Variants in KATNIP observed in about 807,000 individuals in gnomAD.
KATNIP encodes katanin interacting protein, also known as katanin-interacting protein.
KATNIP carries 126 observed loss-of-function variants against 174.0 expected under a neutral mutation model. That is an observed-to-expected ratio of 0.72 (90% CI 0.63 to 0.84). The LOEUF is 0.84. Ranked by LOEUF, KATNIP falls within the 40% of genes least tolerant of loss-of-function variation. The pLI is 0.00. For synonymous variants in KATNIP, 810 were observed against 835.7 expected (o/e 0.97, Z 0.53); for missense variants, 1,958 against 2,109.7 (o/e 0.93, Z 1.41).
chr16:27,614,187 C>T (rs1232158722), intron 2 of KATNIP, among the ~76,000 whole-genome samples: 1 of 149,820 alleles, frequency 6.7e-6, no homozygotes. Context: ...AAGCGATTCT[C>T]CTGAGTCTTG....
intron 2 of KATNIP, among the ~76,000 whole-genome samples, chr16:27,583,637 C>T (rs915794478): frequency 1.3e-4 from 20 of 152,190 alleles, no homozygotes; most frequent in African/African-American, 4.6e-4. Context: ...TCTCTGAGCC[C>T]GTATTTCCTC....
At chr16:27,605,090 A>G (rs2075657459) in intron 2 of KATNIP, among the ~76,000 whole-genome samples, 1 of 152,024 alleles carries the variant, frequency 6.6e-6, no homozygotes, top group Non-Finnish European at 1.5e-5. Context: ...CACCATGCCC[A>G]GCTAATTTTT....
At chr16:27,752,914 T>C (rs2081572193) in intron 17 of KATNIP, among the ~76,000 whole-genome samples, 1 of 151,688 alleles carries the variant, frequency 6.6e-6, no homozygotes, top group South Asian at 2.1e-4. Flanking sequence ...TCAGGACCAA[T>C]AGGAAAAAGA....
intron 18 of KATNIP, among the ~76,000 whole-genome samples, chr16:27,760,241 A>G (rs184908763): frequency 2.0e-5 from 3 of 152,246 alleles, no homozygotes; most frequent in East Asian, 1.9e-4. Context: ...TGAGTCTTAC[A>G]CTTAGCTACC....
In KATNIP at chr16:27,773,134, G is replaced by A. The variant is rs1306182406; in HGVS notation, c.4234G>A (p.Asp1412Asn). 9 of 1,612,266 alleles carry A rather than the reference G, an allele frequency of 5.6e-6. No individual in the cohort carries two copies. The highest frequency in any genetic ancestry group is 1.1e-5 in the South Asian group (1 of 90,588). ...GTTTCAGCTTCTCACCAGCTGGGGC[G>A]ACCCCTACTACATCGGCCTCACCGG... ...FQFQLLTSWG[D>N]PYYIGLTGLE... The change falls in exon 23 of 28, where the codon GAC becomes AAC. Residue 1412 changes from aspartate to asparagine, a missense_variant. Transcript: ENST00000261588.
intron 22 of KATNIP, among the ~76,000 whole-genome samples, chr16:27,771,868 G>C (rs953466509): frequency 5.9e-5 from 9 of 152,186 alleles, no homozygotes; most frequent in African/African-American, 2.2e-4. Context: ...GAGGCTGGAG[G>C]GGGCAGCACC....
At chr16:27,743,220 T>C (rs2081171263) in intron 15 of KATNIP, among the ~76,000 whole-genome samples, 1 of 152,252 alleles carries the variant, frequency 6.6e-6, no homozygotes, top group South Asian at 2.1e-4. Context: ...TAGTATTCCA[T>C]GGTGTATATG....
At chr16:27,662,209 C>T (rs2077550865) in intron 6 of KATNIP, among the ~76,000 whole-genome samples, 1 of 150,580 alleles carries the variant, frequency 6.6e-6, no homozygotes, top group Non-Finnish European at 1.5e-5. Context: ...ATTGGGATTA[C>T]AGGCATGAGC....
chr16:27,617,351 T>A (rs973152212), intron 2 of KATNIP, among the ~76,000 whole-genome samples: 3 of 152,204 alleles, frequency 2.0e-5, no homozygotes, highest in Non-Finnish European at 4.4e-5. Flanking sequence ...CTGCTTCTCA[T>A]TGGCACAGCA....
rs1229900705 is a variant in KATNIP at position 27,609,290 on chromosome 16, GA to G, written c.64-9134del. 6.6e-5 allele frequency among the ~76,000 whole-genome samples: 10 copies of G among 151,410 alleles called. 1 individual carries two copies. Among genetic ancestry groups the G allele is most frequent in the Admixed American group, 6.6e-4 (10 of 15,192 alleles). On this transcript the variant is annotated intron_variant, in intron 2 of 27. Transcript: ENST00000261588. ...TGTTAGTGCAGGGAGGGACACAGGA[GA>G]GGGGGCGTGCAGTGTGTGCACTCTT...
intron 6 of KATNIP, among the ~76,000 whole-genome samples, chr16:27,666,627 AGGCT>A (rs2077695043): frequency 1.3e-5 from 2 of 152,176 alleles, no homozygotes; most frequent in African/African-American, 4.8e-5. Flanking sequence ...CATGTTGACC[AGGCT>A]GGTCTCGAAC....
intron 1 of KATNIP, among the ~76,000 whole-genome samples, chr16:27,555,678 A>C (rs755765778): frequency 3.3e-5 from 5 of 152,052 alleles, no homozygotes; most frequent in Non-Finnish European, 7.4e-5. Context: ...CTACTAAAAA[A>C]ATGCAAAATT....
At chr16:27,606,476 C>G (rs2075707799) in intron 2 of KATNIP, among the ~76,000 whole-genome samples, 1 of 150,510 alleles carries the variant, frequency 6.6e-6, no homozygotes, top group South Asian at 2.1e-4. Flanking sequence ...AAATCTCTCT[C>G]ATACACACAC....
At chr16:27,624,484 T>G (rs1352894800) in intron 3 of KATNIP, among the ~76,000 whole-genome samples, 2 of 152,208 alleles carry the variant, frequency 1.3e-5, no homozygotes, top group African/African-American at 4.8e-5. Flanking sequence ...CCATGTCTCC[T>G]GCCCCAACTT....
Position 27,618,445 on chromosome 16 carries a change from G to T in KATNIP, c.84G>T (p.Val28=). The T allele has an allele frequency of 6.2e-7, 1 of 1,613,548 alleles. No individual in the cohort carries two copies. Among genetic ancestry groups the T allele is most frequent in the South Asian group, 1.1e-5 (1 of 91,020 alleles). The change falls in exon 3 of 28, where the codon GTG becomes GTT. Residue 28 remains valine (V), a synonymous_variant. Coordinates refer to ENST00000261588, the MANE Select transcript of KATNIP (RefSeq NM_015202.5). Reference sequence around the variant, plus strand: ...TTCAGGGTTACGCTAAGGACATGGTGACAGACTTTGATGAGAAACATGATG... The same window carrying T: ...TTCAGGGTTACGCTAAGGACATGGTTACAGACTTTGATGAGAAACATGATG... ...EKKEGYAKDM[V]TDFDEKHDEY...
chr16:27,586,857 C>A (rs2090919699), intron 2 of KATNIP, among the ~76,000 whole-genome samples: 1 of 148,358 alleles, frequency 6.7e-6, no homozygotes, highest in Non-Finnish European at 1.5e-5. Flanking sequence ...AAACAAAAAA[C>A]AGAAACTGAA....
chr16:27,715,529 T>A (rs2079894781), intron 13 of KATNIP, among the ~76,000 whole-genome samples: 1 of 152,096 alleles, frequency 6.6e-6, no homozygotes, highest in Non-Finnish European at 1.5e-5. Flanking sequence ...AGAAAATATC[T>A]GCACATCATA....
intron 8 of KATNIP, among the ~76,000 whole-genome samples, chr16:27,692,417 C>T (rs986718207): frequency 2.0e-5 from 3 of 152,120 alleles, no homozygotes; most frequent in Non-Finnish European, 4.4e-5. Context: ...ATTATAATGC[C>T]AGGTGTCAGG....
intron 2 of KATNIP, among the ~76,000 whole-genome samples, chr16:27,577,818 G>A (rs769514577): frequency 1.3e-5 from 2 of 152,038 alleles, no homozygotes; most frequent in Non-Finnish European, 2.9e-5. Flanking sequence ...GGCTGCAATA[G>A]GCTATGATCA....
Sources: gnomAD v4.1 joint callset for allele counts (sites outside exome capture counted in the v4.1 genomes callset) on GRCh38, gnomAD v4.1.1 for gene constraint, MANE v1.5 for transcripts, NCBI Gene and HGNC (gene_info 2026-07-23, HGNC 2026-07-21) for gene names.